The following ARHGEF11 variants were observed in gnomAD, a reference collection of about 807,000 sequenced individuals.
The protein encoded by ARHGEF11 is Rho guanine nucleotide exchange factor 11.
In ARHGEF11, 55 loss-of-function variants were observed where a neutral mutation model predicts 193.7. The ratio of observed to expected loss-of-function variants is 0.28; its 90% CI spans 0.23 to 0.36. The LOEUF (loss-of-function observed/expected upper bound fraction) is 0.36. Among genes scored for constraint, ARHGEF11 ranks in the 10% least tolerant of loss-of-function variants. The pLI is 1.00. For missense variants in ARHGEF11, 1,723 were observed against 2,005.6 expected, an observed-to-expected ratio of 0.86 and a Z score of 2.69; for synonymous variants, 693 against 768.0, an observed-to-expected ratio of 0.90 and a Z score of 1.62.
Position 156,965,697 on chromosome 1 carries a change from G to C in ARHGEF11, c.964-2103C>G, listed in dbSNP as rs151121314. The stretch of plus-strand genomic sequence containing the variant: ...TTTTGTGAATTTGGCAGCCCAACCA[G>C]AATAGGTTCAGAGAGGCTTGGTCAC... On this transcript the variant is annotated intron_variant, in intron 11 of 40. Coordinates refer to ENST00000368194, the MANE Select transcript of ARHGEF11 (RefSeq NM_198236.3). Among the ~76,000 whole-genome samples the C allele has an allele frequency of 8.1e-3, 1,228 of 152,258 alleles. 11 individuals are homozygous for C. The highest frequency in any genetic ancestry group is 0.027 in the African/African-American group (1,141 of 41,534).
At chr1:157,002,062 G>A (rs1667273196) in intron 1 of ARHGEF11, among the ~76,000 whole-genome samples, 2 of 152,190 alleles carry the variant, frequency 1.3e-5, no homozygotes, top group Admixed American at 1.3e-4. Flanking sequence ...GCGGGGCGGT[G>A]AAATGATGGG....
chr1:156,972,838 C>T (rs897152953), intron 7 of ARHGEF11, among the ~76,000 whole-genome samples: 5 of 152,114 alleles, frequency 3.3e-5, no homozygotes, highest in South Asian at 2.1e-4. Context: ...AAAGTTAACC[C>T]TCTGACTGCT....
At chr1:156,968,198 G>C in intron 10 of ARHGEF11, 74 bp from the exon 11 acceptor site, 1 of 1,522,474 alleles carries the variant, frequency 6.6e-7, no homozygotes, top group Non-Finnish European at 8.9e-7. Context: ...TTTGGTGTTG[G>C]TGGTGATAAC....
chr1:157,005,108 G>A (rs1428029533), intron 1 of ARHGEF11, among the ~76,000 whole-genome samples: 2 of 152,210 alleles, frequency 1.3e-5, no homozygotes, highest in Non-Finnish European at 1.5e-5. Flanking sequence ...TAGGGCTGAT[G>A]TTCCCATTAT....
rs2102058258 is a variant in ARHGEF11, at chr1:156,955,576, T to A, written c.1768+127A>T. 4 of 735,806 alleles carry A rather than the reference T, an allele frequency of 5.4e-6. No homozygotes were observed. The East Asian group carries it at 1.0e-4, about 18-fold the overall frequency. 45.6% of individuals were successfully genotyped at this position (735,806 alleles called of 1,614,324 possible). ...GGATTTGGCAAGGGGAGAAAGTGGC[T>A]GTGGTCTGAGTTTGGGCCTGTGGCT... On this transcript the variant is annotated intron_variant, in intron 20 of 40. Transcript: ENST00000368194.
chr1:156,949,293 T>G (rs948961361), intron 22 of ARHGEF11, among the ~76,000 whole-genome samples: 2 of 152,082 alleles, frequency 1.3e-5, no homozygotes, highest in African/African-American at 4.8e-5. Context: ...AGTCCTGCAG[T>G]GCATCAGCCC....
intron 7 of ARHGEF11, 69 bp downstream of exon 7, chr1:156,976,914 G>C: frequency 7.5e-7 from 1 of 1,339,420 alleles, no homozygotes. Context: ...TGTGTACATT[G>C]GCAGGCTGCT....
At chr1:157,015,717 T>G (rs1050516101) in intron 1 of ARHGEF11, among the ~76,000 whole-genome samples, 1 of 152,196 alleles carries the variant, frequency 6.6e-6, no homozygotes, top group African/African-American at 2.4e-5. Context: ...CACAGGCATG[T>G]GTGGATTAGT....
At position 156,951,700 on chromosome 1, in the gene ARHGEF11, C is replaced by T; in HGVS notation, c.1799-1G>A. On this transcript the variant is annotated splice_acceptor_variant, in intron 21 of 40. Transcript: ENST00000368194. LOFTEE classifies it high-confidence loss of function. ...ATGTTCCTCACATTGCCTGGTTTGA[C>T]TAGAAGCAAAAAGAAAATGAAGGAC... The T allele has an allele frequency of 6.2e-7, 1 of 1,614,002 alleles. No individual in the cohort carries two copies. Among genetic ancestry groups the T allele is most frequent in the Non-Finnish European group, 8.5e-7 (1 of 1,179,954 alleles).
chr1:157,008,465 A>G (rs1668161704), intron 1 of ARHGEF11, among the ~76,000 whole-genome samples: 1 of 152,060 alleles, frequency 6.6e-6, no homozygotes, highest in Non-Finnish European at 1.5e-5. Context: ...GTGAGAAGGC[A>G]GCCGTCTACA....
intron 1 of ARHGEF11, among the ~76,000 whole-genome samples, chr1:157,007,913 G>GTTTTTTTTTTTTT (rs10580966): frequency 3.5e-4 from 41 of 118,752 alleles, no homozygotes; most frequent in Non-Finnish European, 5.5e-4. Flanking sequence ...TTTTTTTTTT[G>GTTTTTTTTTTTTT]TTTTTTTTTT....
intron 14 of ARHGEF11, 146 bp downstream of exon 14, chr1:156,961,531 C>T: frequency 1.5e-6 from 1 of 680,502 alleles, no homozygotes. Context: ...GCGCTAGGAA[C>T]AGAATCCAGG....
chr1:156,980,833 C>CG (rs60219718), intron 3 of ARHGEF11, among the ~76,000 whole-genome samples: 474 of 33,572 alleles, frequency 0.014, 6 homozygotes, highest in Middle Eastern at 0.031. Context: ...AGTTATATTC[C>CG]GGGGGGGGGG....
intron 1 of ARHGEF11, among the ~76,000 whole-genome samples, chr1:157,023,627 G>A (rs1446125952): frequency 1.3e-5 from 2 of 152,124 alleles, no homozygotes; most frequent in South Asian, 2.1e-4. Flanking sequence ...TTAGCCAGAC[G>A]CAGTGGCATG....
At chr1:156,953,862 C>G (rs1659487121) in intron 21 of ARHGEF11, among the ~76,000 whole-genome samples, 1 of 152,130 alleles carries the variant, frequency 6.6e-6, no homozygotes, top group South Asian at 2.1e-4. Context: ...CTGGAAGATA[C>G]TAGGTCCTCT....
At chr1:157,007,345 A>G (rs574648577) in intron 1 of ARHGEF11, among the ~76,000 whole-genome samples, 2 of 152,262 alleles carry the variant, frequency 1.3e-5, no homozygotes, top group East Asian at 1.9e-4. Context: ...GAAGCATTGA[A>G]AAGGGGAGAA....
intron 11 of ARHGEF11, 106 bp from the exon 12 acceptor site, chr1:156,963,700 C>A: frequency 6.6e-7 from 1 of 1,515,866 alleles, no homozygotes; most frequent in Non-Finnish European, 8.8e-7. Context: ...ACAAAGCCAC[C>A]CGGGTCTGGT....
At chr1:157,020,362 T>C (rs1669824722) in intron 1 of ARHGEF11, among the ~76,000 whole-genome samples, 1 of 152,190 alleles carries the variant, frequency 6.6e-6, no homozygotes, top group South Asian at 2.1e-4. Flanking sequence ...TCTGGGTCCA[T>C]ATTAGAAACT....
chr1:156,968,804 C>G (rs1202904222), intron 10 of ARHGEF11, among the ~76,000 whole-genome samples: 1 of 152,120 alleles, frequency 6.6e-6, no homozygotes, highest in Non-Finnish European at 1.5e-5. Flanking sequence ...GAGGTCAAAA[C>G]CTGAAATTCT....
Sources: gnomAD v4.1 joint callset for allele counts (sites outside exome capture counted in the v4.1 genomes callset) on GRCh38, gnomAD v4.1.1 for gene constraint, MANE v1.5 for transcripts, NCBI Gene and HGNC (gene_info 2026-07-23, HGNC 2026-07-21) for gene names.